The following SEPTIN10 variants were observed in gnomAD, a reference collection of about 807,000 sequenced individuals.
The protein encoded by SEPTIN10 is septin-10.
Under a neutral mutation model 54.8 loss-of-function variants are expected in SEPTIN10, and 66 were observed. The ratio of observed to expected loss-of-function variants is 1.21; its 90% confidence interval spans 0.99 to 1.48. The LOEUF (loss-of-function observed/expected upper bound fraction) is 1.48, where lower values mean the gene tolerates loss of function less well. SEPTIN10 is among the 40% of genes most tolerant of loss of function. SEPTIN10 has a pLI of 0.00. For synonymous variants in SEPTIN10, 161 were observed against 181.0 expected, an observed-to-expected ratio of 0.89 and a Z score of 0.89; for missense variants, 620 against 545.6, an observed-to-expected ratio of 1.14 and a Z score of -1.36.
rs538826917 is a variant in SEPTIN10 at position 109,552,176 on chromosome 2, G to A, written c.1161+911C>T. On this transcript the variant is annotated intron_variant, in intron 9 of 10. Transcript: ENST00000397712. ...ATGCCTGATGATCTGAGCTGGAACAGTTTCATCCTGAAACCATCTCCCCTG... is the reference window on the plus strand; with the variant it reads ...ATGCCTGATGATCTGAGCTGGAACAATTTCATCCTGAAACCATCTCCCCTG... 2.0e-5 allele frequency among the ~76,000 whole-genome samples: 3 copies of A among 152,310 alleles called. No individual in the cohort carries two copies. In the East Asian group the frequency reaches 5.8e-4, roughly 29 times the overall value.
chr2:109,605,763 T>C (rs1697803363), intron 1 of SEPTIN10: 1 of 152,224 alleles, frequency 6.6e-6, no homozygotes, highest in Admixed American at 6.5e-5. Context: ...AAACTGTAAA[T>C]TATAATTCTT....
chr2:109,602,650 G>A (rs565934907), intron 1 of SEPTIN10, among the ~76,000 whole-genome samples: 4 of 149,782 alleles, frequency 2.7e-5, no homozygotes, highest in African/African-American at 9.8e-5. Context: ...ACTCCAGCCT[G>A]GGCAACAAAA....
At chr2:109,551,108 T>C (rs991248705) in intron 9 of SEPTIN10, among the ~76,000 whole-genome samples, 20 of 152,180 alleles carry the variant, frequency 1.3e-4, no homozygotes, top group African/African-American at 4.6e-4. Context: ...AATAAAGGAA[T>C]AGGGAAGACA....
At chr2:109,601,166 T>C (rs1465164755) in intron 1 of SEPTIN10, among the ~76,000 whole-genome samples, 1 of 152,184 alleles carries the variant, frequency 6.6e-6, no homozygotes, top group Non-Finnish European at 1.5e-5. Flanking sequence ...CCTCTCCCTT[T>C]CCTAGAGACT....
intron 1 of SEPTIN10, 93 bp downstream of exon 1, chr2:109,613,705 C>T (rs1699816955): frequency 9.1e-6 from 8 of 877,654 alleles, no homozygotes; most frequent in Non-Finnish European, 1.0e-5. Context: ...GTCACAATCC[C>T]GGGCCGGACC....
intron 10 of SEPTIN10, 140 bp from the exon 11 acceptor site, chr2:109,544,464 C>A: frequency 7.3e-7 from 1 of 1,378,228 alleles, no homozygotes. Flanking sequence ...AACACCAAAC[C>A]ATATTTTCTT....
intron 9 of SEPTIN10, among the ~76,000 whole-genome samples, chr2:109,548,177 CA>C (rs36031306): frequency 0.52 from 76,170 of 145,586 alleles, 20,332 homozygotes; most frequent in African/African-American, 0.7. Flanking sequence ...TGGCTTACCT[CA>C]AAAAAAAAAA....
At chr2:109,560,200 G>T (rs1047465687) in intron 8 of SEPTIN10, among the ~76,000 whole-genome samples, 1 of 152,154 alleles carries the variant, frequency 6.6e-6, no homozygotes, top group Non-Finnish European at 1.5e-5. Flanking sequence ...GATTACAGGC[G>T]TGAGCCACCG....
chr2:109,544,043 A>G lies in SEPTIN10; in HGVS notation c.*266T>C. On this transcript the variant is annotated 3_prime_UTR_variant, in exon 11 of 11. Transcript: ENST00000397712. Reference sequence around the variant, plus strand: ...TGGGGAATTTTCCACTTGTGGGGTCAAGTCAGTGCTCAAAAAGATTCAGAT... The same window carrying G: ...TGGGGAATTTTCCACTTGTGGGGTCGAGTCAGTGCTCAAAAAGATTCAGAT... 6 of 1,012,366 alleles carry G rather than the reference A, an allele frequency of 5.9e-6. No individual in the cohort carries two copies. Among genetic ancestry groups the G allele is most frequent in the Non-Finnish European group, 8.6e-6 (6 of 694,730 alleles). The allele number at this position is 1,012,366 out of a possible 1,614,324, so 62.7% of individuals were successfully genotyped here. A position where few individuals can be genotyped will look rare whatever the true frequency, so the allele number is the denominator to read the frequency against.
chr2:109,594,894 T>C (rs1357625630), intron 1 of SEPTIN10: 1 of 144,392 alleles, frequency 6.9e-6, no homozygotes, highest in Middle Eastern at 3.6e-3. Context: ...TAACAATGTG[T>C]TTTTTTTTTT....
At chr2:109,557,135 C>T (rs187422620) in intron 8 of SEPTIN10, among the ~76,000 whole-genome samples, 76 of 151,616 alleles carry the variant, frequency 5.0e-4, no homozygotes, top group African/African-American at 1.7e-3. Context: ...CAAACCAGCA[C>T]GTTGTGCACA....
chr2:109,545,305 C>T, intron 10 of SEPTIN10: 1 of 1,449,222 alleles, frequency 6.9e-7, no homozygotes. Context: ...AAACAAGGGA[C>T]ACAAAGTACA....
At chr2:109,593,318 T>C (rs1280352673) in intron 1 of SEPTIN10, among the ~76,000 whole-genome samples, 199 bp from the exon 2 acceptor site, 1 of 152,030 alleles carries the variant, frequency 6.6e-6, no homozygotes, top group East Asian at 1.9e-4. Context: ...GTAAATTACA[T>C]ATAATATTCA....
At chr2:109,593,406 G>T (rs998140285) in intron 1 of SEPTIN10, among the ~76,000 whole-genome samples, 12 of 99,058 alleles carry the variant, frequency 1.2e-4, no homozygotes, top group South Asian at 1.0e-3. Context: ...GAGAGAGAAA[G>T]AACTTTTTTT....
chr2:109,576,044 G>T (rs1689609095), intron 4 of SEPTIN10, among the ~76,000 whole-genome samples: 1 of 151,972 alleles, frequency 6.6e-6, no homozygotes, highest in Admixed American at 6.6e-5. Context: ...ATCACTTGAG[G>T]CCAGGAGTTC....
chr2:109,586,213 C>G (rs1250316219), intron 2 of SEPTIN10, among the ~76,000 whole-genome samples: 1 of 151,934 alleles, frequency 6.6e-6, no homozygotes, highest in Non-Finnish European at 1.5e-5. Flanking sequence ...GAAAAAAAAG[C>G]ACAAAACAAA....
In SEPTIN10 at chr2:109,544,034, T is replaced by C; in HGVS notation, c.*275A>G. 1 of 922,074 alleles carries C rather than the reference T, an allele frequency of 1.1e-6. No homozygotes were observed. Among genetic ancestry groups the C allele is most frequent in the Non-Finnish European group, 1.6e-6 (1 of 619,986 alleles). 57.1% of individuals were successfully genotyped at this position (922,074 alleles called of 1,614,324 possible). A position where few individuals can be genotyped will look rare whatever the true frequency, so the allele number is the denominator to read the frequency against. On this transcript the variant is annotated 3_prime_UTR_variant, in exon 11 of 11. Coordinates refer to ENST00000397712, the MANE Select transcript of SEPTIN10 (RefSeq NM_144710.5). ...GGTGTCGGGTGGGGAATTTTCCACT[T>C]GTGGGGTCAAGTCAGTGCTCAAAAA...
intron 6 of SEPTIN10, among the ~76,000 whole-genome samples, chr2:109,566,324 T>G (rs939350563): frequency 6.6e-6 from 1 of 152,018 alleles, no homozygotes; most frequent in Non-Finnish European, 1.5e-5. Context: ...TTTCACCATG[T>G]TGGCCAGGCT....
chr2:109,607,497 TAAAC>T (rs1051959539), intron 1 of SEPTIN10, among the ~76,000 whole-genome samples: 1 of 152,036 alleles, frequency 6.6e-6, no homozygotes, highest in African/African-American at 2.4e-5. Context: ...AATAAATAAA[TAAAC>T]AAATGGTCTG....
Sources: allele counts gnomAD v4.1 joint callset (sites outside exome capture counted in the v4.1 genomes callset), GRCh38; gene constraint gnomAD v4.1.1; transcripts MANE v1.5; gene names NCBI Gene and HGNC (gene_info 2026-07-23, HGNC 2026-07-21).